Variants in AAMDC observed in about 807,000 individuals in gnomAD.
AAMDC encodes the protein mth938 domain-containing protein.
A neutral mutation model predicts 15.5 loss-of-function variants in AAMDC; 16 were observed. The observed-to-expected ratio is 1.03, with a 90% CI of 0.70 to 1.57. The LOEUF (loss-of-function observed/expected upper bound fraction) is 1.57. Ranked by LOEUF, AAMDC falls within the 40% of genes most tolerant of loss-of-function variation. AAMDC has a pLI of 0.00. For missense variants in AAMDC, 141 were observed against 144.9 expected (o/e 0.97, Z 0.14); for synonymous variants, 51 against 51.6 (o/e 0.99, Z 0.05).
chr11:77,865,492 A>G (rs927421776), intron 2 of AAMDC, among the ~76,000 whole-genome samples: 2 of 152,244 alleles, frequency 1.3e-5, no homozygotes, highest in African/African-American at 4.8e-5. Flanking sequence ...TGCCAAACCT[A>G]TATATGAAAT....
chr11:77,864,029 C>T (rs1453079106), intron 2 of AAMDC, among the ~76,000 whole-genome samples: 4 of 151,444 alleles, frequency 2.6e-5, no homozygotes, highest in Non-Finnish European at 4.4e-5. Context: ...CATGTTTAAG[C>T]GATTCTCCTG....
intron 1 of AAMDC, among the ~76,000 whole-genome samples, chr11:77,827,911 C>T (rs1949252535): frequency 6.6e-6 from 1 of 152,100 alleles, no homozygotes; most frequent in Admixed American, 6.6e-5. Context: ...TAGGCAAGCA[C>T]ATTTGCAGGA....
chr11:77,894,403 G>A (rs1356195768), intron 5 of AAMDC: 25 of 946,778 alleles, frequency 2.6e-5, no homozygotes, highest in Non-Finnish European at 3.9e-5. Flanking sequence ...AACTGAGGAG[G>A]ACCAAAAGTC....
At chr11:77,827,092 G>A (rs1045033638) in intron 1 of AAMDC, among the ~76,000 whole-genome samples, 5 of 142,762 alleles carry the variant, frequency 3.5e-5, no homozygotes, top group Non-Finnish European at 3.0e-5. Context: ...GTGACAGAGC[G>A]AAACTCGTCT....
At chr11:77,863,212 G>T (rs1950958019) in intron 2 of AAMDC, among the ~76,000 whole-genome samples, 1 of 152,136 alleles carries the variant, frequency 6.6e-6, no homozygotes, top group African/African-American at 2.4e-5. Flanking sequence ...ACGAACCCGG[G>T]CACTTAGCCA....
chr11:77,899,493 GA>G (rs1340542672), intron 5 of AAMDC, among the ~76,000 whole-genome samples: 1 of 151,938 alleles, frequency 6.6e-6, no homozygotes, highest in Non-Finnish European at 1.5e-5. Context: ...CTAACATGGT[GA>G]AACCCGTCTC....
intron 5 of AAMDC, among the ~76,000 whole-genome samples, chr11:77,893,493 T>C (rs1323563029): frequency 1.3e-5 from 2 of 152,262 alleles, no homozygotes; most frequent in East Asian, 3.9e-4. Context: ...CCTGTAGTCC[T>C]AGCTACTCAG....
chr11:77,856,088 A>G (rs1179928577), intron 2 of AAMDC, among the ~76,000 whole-genome samples: 1 of 152,144 alleles, frequency 6.6e-6, no homozygotes, highest in Non-Finnish European at 1.5e-5. Context: ...ATTGCACTCC[A>G]GCCTGGGTGA....
chr11:77,854,271 C>T (rs1409111964), intron 2 of AAMDC, among the ~76,000 whole-genome samples: 5 of 152,072 alleles, frequency 3.3e-5, no homozygotes, highest in African/African-American at 7.2e-5. Context: ...GGATTACAGG[C>T]GTGAGCCACC....
At chr11:77,852,369 C>T (rs1950432386) in intron 2 of AAMDC, among the ~76,000 whole-genome samples, 1 of 151,956 alleles carries the variant, frequency 6.6e-6, no homozygotes. Flanking sequence ...ATTTTAGATG[C>T]CTCCCATTTC....
intron 5 of AAMDC, chr11:77,891,639 G>A (rs781542072): frequency 1.1e-5 from 17 of 1,604,974 alleles, no homozygotes; most frequent in Middle Eastern, 2.3e-4. Context: ...ATTTTTGACC[G>A]TCTGGACAGA....
chr11:77,873,899 C>CCAT (rs1217508074), downstream of AAMDC, among the ~76,000 whole-genome samples: 2 of 152,192 alleles, frequency 1.3e-5, no homozygotes, highest in Non-Finnish European at 2.9e-5. Flanking sequence ...TCCACCCCAG[C>CCAT]CATCACTGGA....
At chr11:77,828,829 C>T (rs1590922469) in intron 1 of AAMDC, among the ~76,000 whole-genome samples, 1 of 152,286 alleles carries the variant, frequency 6.6e-6, no homozygotes, top group East Asian at 1.9e-4. Context: ...GATTCACTCT[C>T]CATCAAAATT....
chr11:77,900,701 C>T (rs748801567), exon 6 of AAMDC: 3 of 676,452 alleles, frequency 4.4e-6, no homozygotes, highest in Middle Eastern at 2.4e-4. Flanking sequence ...AAACAAAAAA[C>T]ACTATGGGAC....
chr11:77,851,594 G>C (rs1277961093), intron 2 of AAMDC: 1 of 152,084 alleles, frequency 6.6e-6, no homozygotes, highest in Non-Finnish European at 1.5e-5. Context: ...CATGTGGGCA[G>C]TTCCCTCATG....
At chr11:77,854,803 CTG>C (rs1313090993) in intron 2 of AAMDC, among the ~76,000 whole-genome samples, 1 of 152,218 alleles carries the variant, frequency 6.6e-6, no homozygotes, top group Non-Finnish European at 1.5e-5. Context: ...AGTGGGGACT[CTG>C]TGTAGGGGCT....
intron 1 of AAMDC, among the ~76,000 whole-genome samples, chr11:77,840,607 C>T (rs1468986948): frequency 2.6e-5 from 4 of 152,094 alleles, no homozygotes; most frequent in Non-Finnish European, 5.9e-5. Flanking sequence ...CTGGGTATCC[C>T]TATGTTACCC....
At chr11:77,866,140 G>T (rs1951097497) in intron 2 of AAMDC, among the ~76,000 whole-genome samples, 1 of 152,202 alleles carries the variant, frequency 6.6e-6, no homozygotes, top group South Asian at 2.1e-4. Context: ...TGGAAGAGTA[G>T]TTTAGGAATG....
chr11:77,879,353 A>G (rs1252307562), intron 5 of AAMDC, among the ~76,000 whole-genome samples: 1 of 152,206 alleles, frequency 6.6e-6, no homozygotes, highest in Non-Finnish European at 1.5e-5. Flanking sequence ...AAAGCTGCTG[A>G]GGCAACTGGA....
Sources: allele counts gnomAD v4.1 joint callset (sites outside exome capture counted in the v4.1 genomes callset), GRCh38; gene constraint gnomAD v4.1.1; transcripts MANE v1.5; gene names NCBI Gene and HGNC (gene_info 2026-07-23, HGNC 2026-07-21).